The following PLCL1 variants were observed in gnomAD, a reference collection of about 807,000 sequenced individuals.
The protein encoded by PLCL1 is inactive phospholipase C-like protein 1.
A neutral mutation model predicts 84.4 loss-of-function variants in PLCL1; 41 were observed. The observed-to-expected ratio is 0.49, with a 90% CI of 0.38 to 0.63. The LOEUF is 0.63. PLCL1 is among the 30% of genes least tolerant of loss of function. The pLI is 0.00. For synonymous variants in PLCL1, 490 were observed against 488.3 expected, an observed-to-expected ratio of 1.00 and a Z score of -0.05; for missense variants, 1,206 against 1,367.8, an observed-to-expected ratio of 0.88 and a Z score of 1.87.
intron 5 of PLCL1, among the ~76,000 whole-genome samples, chr2:198,131,082 A>G (rs1268009709): frequency 2.0e-5 from 3 of 152,062 alleles, no homozygotes; most frequent in Non-Finnish European, 4.4e-5. Context: ...CTCCAGCCAC[A>G]TGGAACTTTC....
At position 198,083,847 on chromosome 2, in the gene PLCL1, C is replaced by A; in HGVS notation, c.330C>A (p.Asp110Glu). ...AAAAGAAAATTAGCAGTGCAAATGA[C>A]TGCATCAGCTTCATGCAAGCTGGCT... ...PSEKKISSANDCISFMQAGCE... is the reference protein window; with the variant it reads ...PSEKKISSANECISFMQAGCE... Residue 110 changes from aspartate (D) to glutamate (E), a missense_variant, in exon 2 of 6, where the codon GAC (aspartate) becomes GAA (glutamate). Physicochemically the swap from Asp to Glu is conservative, Grantham distance 45 (BLOSUM62 2). Coordinates refer to ENST00000428675, the MANE Select transcript of PLCL1 (RefSeq NM_006226.4). The A allele has an allele frequency of 6.2e-7, 1 of 1,613,914 alleles. No individual in the cohort carries two copies. Among genetic ancestry groups the A allele is most frequent in the Non-Finnish European group, 8.5e-7 (1 of 1,179,800 alleles).
intron 1 of PLCL1, among the ~76,000 whole-genome samples, chr2:197,924,523 G>A (rs1408904456): frequency 2.0e-5 from 3 of 151,966 alleles, no homozygotes; most frequent in African/African-American, 7.3e-5. Flanking sequence ...TATTTTATGT[G>A]TATCACTCTA....
At chr2:198,071,773 G>A (rs1257815602) in intron 1 of PLCL1, among the ~76,000 whole-genome samples, 1 of 151,628 alleles carries the variant, frequency 6.6e-6, no homozygotes, top group African/African-American at 2.4e-5. Flanking sequence ...TATGCTTTCT[G>A]GTCTTAATAT....
chr2:198,056,320 A>AT (rs1168444995), intron 1 of PLCL1, among the ~76,000 whole-genome samples: 2 of 152,044 alleles, frequency 1.3e-5, no homozygotes, highest in Non-Finnish European at 2.9e-5. Context: ...CCTCCCCCCC[A>AT]TAAGGATTGA....
At chr2:198,118,899 G>T (rs2105926003) in intron 5 of PLCL1, among the ~76,000 whole-genome samples, 1 of 152,060 alleles carries the variant, frequency 6.6e-6, no homozygotes, top group East Asian at 1.9e-4. Context: ...TATAATTATT[G>T]TCTAATGTAG....
At chr2:197,821,666 T>C (rs1690819363) in intron 1 of PLCL1, among the ~76,000 whole-genome samples, 1 of 152,150 alleles carries the variant, frequency 6.6e-6, no homozygotes, top group Non-Finnish European at 1.5e-5. Context: ...GACCCATAAG[T>C]TTCACATGCC....
At chr2:197,974,790 G>A (rs1443088755) in intron 1 of PLCL1, among the ~76,000 whole-genome samples, 1 of 152,246 alleles carries the variant, frequency 6.6e-6, no homozygotes, top group Admixed American at 6.5e-5. Context: ...AATCTCAGCT[G>A]CGCTGTCAGA....
chr2:198,006,601 A>T (rs1206557632), intron 1 of PLCL1, among the ~76,000 whole-genome samples: 2 of 152,182 alleles, frequency 1.3e-5, no homozygotes, highest in Admixed American at 1.3e-4. Flanking sequence ...TTTAGAATCT[A>T]AATTTTCCCA....
chr2:197,825,357 C>T (rs544108896), intron 1 of PLCL1, among the ~76,000 whole-genome samples: 15 of 152,280 alleles, frequency 9.9e-5, no homozygotes, highest in Middle Eastern at 3.4e-3. Flanking sequence ...CAAGCTCTTT[C>T]AGTAGAAGGC....
chr2:197,875,505 G>C (rs978030384), intron 1 of PLCL1, among the ~76,000 whole-genome samples: 5 of 151,942 alleles, frequency 3.3e-5, no homozygotes, highest in Admixed American at 3.3e-4. Flanking sequence ...TGGCTAGTAA[G>C]GTGCACTCGC....
chr2:198,144,545 C>A (rs1694470237), intron 5 of PLCL1, among the ~76,000 whole-genome samples: 1 of 152,048 alleles, frequency 6.6e-6, no homozygotes, highest in Non-Finnish European at 1.5e-5. Flanking sequence ...CATTGTGATT[C>A]CTATACTTAT....
rs775259131 is a variant in PLCL1 at position 198,147,131 on chromosome 2, T to G, written c.*169T>G. On this transcript the variant is annotated 3_prime_UTR_variant, in exon 6 of 6. Coordinates refer to ENST00000428675, the MANE Select transcript of PLCL1 (RefSeq NM_006226.4). ...TTTCAGTGTAGTTAATTTATCTAAA[T>G]TAAAGCCTTTAGTATCAGTGTTTTA... 49 of 554,032 alleles carry G rather than the reference T, an allele frequency of 8.8e-5. No homozygotes were observed. The highest frequency in any genetic ancestry group is 1.2e-4 in the Non-Finnish European group (40 of 321,028). The allele number at this position is 554,032 out of a possible 1,614,324, so 34.3% of individuals were successfully genotyped here.
intron 1 of PLCL1, among the ~76,000 whole-genome samples, chr2:197,976,363 A>G (rs1689981677): frequency 1.3e-5 from 2 of 152,174 alleles, no homozygotes; most frequent in Admixed American, 6.5e-5. Context: ...GGAAACTGCT[A>G]AACACTTTAC....
chr2:198,101,238 GTTCA>G (rs1381383582), intron 3 of PLCL1, 43 bp from the exon 4 acceptor site: 1 of 1,151,776 alleles, frequency 8.7e-7, no homozygotes, highest in South Asian at 1.3e-5. Flanking sequence ...CAATGAGCCA[GTTCA>G]AGGATTCTGA....
chr2:197,917,475 G>C (rs2105751529), intron 1 of PLCL1, among the ~76,000 whole-genome samples: 1 of 152,292 alleles, frequency 6.6e-6, no homozygotes, highest in East Asian at 1.9e-4. Flanking sequence ...AGAGGAAGCA[G>C]GGTTGAGTAG....
chr2:197,897,099 CTT>C (rs1688150862), intron 1 of PLCL1, among the ~76,000 whole-genome samples: 6 of 37,648 alleles, frequency 1.6e-4, no homozygotes, highest in South Asian at 1.1e-3. Context: ...AGTATGACTC[CTT>C]CTTCTTCTTC....
At chr2:197,830,611 CAGG>C (rs1691036617) in intron 1 of PLCL1, among the ~76,000 whole-genome samples, 1 of 152,024 alleles carries the variant, frequency 6.6e-6, no homozygotes, top group Non-Finnish European at 1.5e-5. Context: ...GGATATTATC[CAGG>C]AGAACTTCCC....
intron 1 of PLCL1, among the ~76,000 whole-genome samples, chr2:198,060,554 C>CT (rs1439770570): frequency 1.3e-5 from 2 of 152,198 alleles, no homozygotes; most frequent in Non-Finnish European, 2.9e-5. Context: ...CACCATCGTG[C>CT]TGTCAATTTG....
In PLCL1 at chr2:198,085,225, G is replaced by T; in HGVS notation, c.1708G>T (p.Val570Leu). 1 of 1,613,942 alleles carries T rather than the reference G, an allele frequency of 6.2e-7. No individual in the cohort carries two copies. The highest frequency in any genetic ancestry group is 8.5e-7 in the Non-Finnish European group (1 of 1,179,906). ...EEAEMSRRMS[V>L]DYNGEQKQIR... is the part of the protein sequence containing the mutation. Reference sequence around the variant, plus strand: ...AGCTGAAATGTCTCGAAGGATGTCGGTAGATTACAATGGTGAGCAGAAGCA... The same window carrying T: ...AGCTGAAATGTCTCGAAGGATGTCGTTAGATTACAATGGTGAGCAGAAGCA... Residue 570 changes from valine to leucine, a missense_variant, in exon 2 of 6, where the codon GTA becomes TTA. Val to Leu is a conservative substitution (Grantham distance 32, BLOSUM62 1). Transcript: ENST00000428675. This position sits in a 1 kb window ranked among gnomAD's most constrained non-coding sequence, Gnocchi z 5.3.
Sources: allele counts gnomAD v4.1 joint callset (sites outside exome capture counted in the v4.1 genomes callset), GRCh38; gene constraint gnomAD v4.1.1; non-coding constraint Gnocchi (gnomAD v3.1); transcripts MANE v1.5; gene names NCBI Gene and HGNC (gene_info 2026-07-23, HGNC 2026-07-21).